The following OPCML variants were observed in gnomAD, a reference collection of about 807,000 sequenced individuals.
OPCML encodes opioid-binding protein/cell adhesion molecule.
A neutral mutation model predicts 37.8 loss-of-function variants in OPCML; 13 were observed. The ratio of observed to expected loss-of-function variants is 0.34; its 90% CI spans 0.22 to 0.55. The LOEUF (loss-of-function observed/expected upper bound fraction) is 0.55, where lower values mean the gene tolerates loss of function less well. Ranked by LOEUF, OPCML falls within the 20% of genes least tolerant of loss-of-function variation. The pLI is 0.91. For synonymous variants in OPCML, 176 were observed against 168.8 expected, an observed-to-expected ratio of 1.04 and a Z score of -0.33; for missense variants, 341 against 435.6, an observed-to-expected ratio of 0.78 and a Z score of 1.93.
intron 1 of OPCML, among the ~76,000 whole-genome samples, chr11:132,980,089 T>C (rs1485325420): frequency 6.6e-6 from 1 of 152,118 alleles, no homozygotes; most frequent in Non-Finnish European, 1.5e-5. Context: ...AAAATGTGAA[T>C]AAGAGATAAA....
intron 3 of OPCML, among the ~76,000 whole-genome samples, chr11:132,635,804 CG>C (rs1327138571): frequency 2.0e-5 from 3 of 152,140 alleles, no homozygotes; most frequent in African/African-American, 7.2e-5. Flanking sequence ...AGACAAAAGA[CG>C]TTTGCAAGGT....
intron 4 of OPCML, among the ~76,000 whole-genome samples, chr11:132,514,660 C>G (rs2096275913): frequency 6.6e-6 from 1 of 151,938 alleles, no homozygotes; most frequent in African/African-American, 2.4e-5. Context: ...TATTTTTTTG[C>G]CAAACTGCCT....
chr11:132,431,996 G>T (rs912142514), intron 7 of OPCML, among the ~76,000 whole-genome samples: 7 of 152,188 alleles, frequency 4.6e-5, no homozygotes, highest in African/African-American at 1.4e-4. Flanking sequence ...AAGACTAATT[G>T]CTGATATGAG....
intron 1 of OPCML, among the ~76,000 whole-genome samples, chr11:132,952,016 A>G (rs1391006686): frequency 6.6e-6 from 1 of 152,258 alleles, no homozygotes; most frequent in South Asian, 2.1e-4. Flanking sequence ...ACTGTTATTC[A>G]TAAATAAGGA....
chr11:133,190,685 T>G (rs566099756), intron 1 of OPCML, among the ~76,000 whole-genome samples: 14 of 152,216 alleles, frequency 9.2e-5, no homozygotes, highest in Non-Finnish European at 1.6e-4. Flanking sequence ...CTTTTCTCTC[T>G]AGAAACAAAT....
At chr11:132,813,331 AAC>A (rs1939451900) in intron 2 of OPCML, among the ~76,000 whole-genome samples, 1 of 152,204 alleles carries the variant, frequency 6.6e-6, no homozygotes, top group Admixed American at 6.5e-5. Context: ...TAGAAGTCTC[AAC>A]ATATTTTTCC....
At chr11:132,760,784 T>C (rs1946234379) in intron 2 of OPCML, among the ~76,000 whole-genome samples, 1 of 152,158 alleles carries the variant, frequency 6.6e-6, no homozygotes, top group Non-Finnish European at 1.5e-5. Flanking sequence ...AATTGGGGCA[T>C]TTATCCTGTT....
chr11:132,637,910 G>C (rs569140805), intron 3 of OPCML, among the ~76,000 whole-genome samples: 85 of 152,180 alleles, frequency 5.6e-4, no homozygotes, highest in Middle Eastern at 6.8e-3. Context: ...CTGCCTTTGG[G>C]AGACTTCTAA....
At chr11:133,185,058 G>A (rs937175969) in intron 1 of OPCML, among the ~76,000 whole-genome samples, 23 of 152,114 alleles carry the variant, frequency 1.5e-4, no homozygotes, top group Admixed American at 9.8e-4. Flanking sequence ...AGCCAACCCA[G>A]CTTTCAAACC....
intron 1 of OPCML, among the ~76,000 whole-genome samples, chr11:132,971,415 C>T (rs1272494022): frequency 6.6e-6 from 1 of 152,140 alleles, no homozygotes; most frequent in Non-Finnish European, 1.5e-5. Context: ...GGGACATGCG[C>T]GAGTCTTCAA....
intron 4 of OPCML, among the ~76,000 whole-genome samples, chr11:132,476,852 T>TTA: frequency 6.6e-6 from 1 of 151,058 alleles, no homozygotes; most frequent in Middle Eastern, 3.9e-3. Flanking sequence ...ATAAAAAAAT[T>TTA]AAAAAAAATT....
chr11:133,217,072 T>G (rs1386003724), intron 1 of OPCML, among the ~76,000 whole-genome samples: 4 of 151,720 alleles, frequency 2.6e-5, no homozygotes, highest in Non-Finnish European at 5.9e-5. Flanking sequence ...CCAAGTCAAC[T>G]GGCTACACAC....
chr11:132,929,025 T>C (rs985080054), intron 2 of OPCML, among the ~76,000 whole-genome samples: 1 of 151,036 alleles, frequency 6.6e-6, no homozygotes, highest in East Asian at 1.9e-4. Flanking sequence ...CTCAACAATC[T>C]AATTTTAAGC....
chr11:133,108,790 T>G (rs188256233), intron 1 of OPCML, among the ~76,000 whole-genome samples: 1 of 130,784 alleles, frequency 7.6e-6, no homozygotes, highest in Admixed American at 8.0e-5. Context: ...AGACAGCGCT[T>G]TGCAAACTAC....
intron 1 of OPCML, among the ~76,000 whole-genome samples, chr11:133,393,803 C>T (rs1945227259): frequency 6.6e-6 from 1 of 152,224 alleles, no homozygotes; most frequent in South Asian, 2.1e-4. Flanking sequence ...AAGATTTTCT[C>T]CTGTGCTGGA....
At chr11:133,291,965 C>A (rs1363985000) in intron 1 of OPCML, among the ~76,000 whole-genome samples, 13 of 152,236 alleles carry the variant, frequency 8.5e-5, no homozygotes. Context: ...TGGTAGATTA[C>A]ACAAGAGAAT....
chr11:132,716,720 T>G (rs1227449417), intron 2 of OPCML, among the ~76,000 whole-genome samples: 3 of 152,184 alleles, frequency 2.0e-5, no homozygotes, highest in Admixed American at 6.5e-5. Flanking sequence ...CACTCTGAAG[T>G]CTAATTCCAT....
At position 132,909,393 on chromosome 11, in the gene OPCML, T is replaced by C. The variant is rs529605987; in HGVS notation, c.146+33533A>G. ...GCGAACATTCTGAGAGACCATTTCATAGGCATTTCTCAGAAGAGAAACGTG... is the reference window on the plus strand; with the variant it reads ...GCGAACATTCTGAGAGACCATTTCACAGGCATTTCTCAGAAGAGAAACGTG... On this transcript the variant is annotated intron_variant, in intron 2 of 7. Transcript: ENST00000524381. Among the ~76,000 whole-genome samples, 17 of 152,338 alleles carry C rather than the reference T, an allele frequency of 1.1e-4. No homozygotes were observed. The South Asian group carries it at 3.5e-3, about 32-fold the overall frequency.
At chr11:133,414,344 C>T (rs1454915524) in intron 1 of OPCML, among the ~76,000 whole-genome samples, 1 of 152,038 alleles carries the variant, frequency 6.6e-6, no homozygotes, top group African/African-American at 2.4e-5. Context: ...AATTATGCCC[C>T]AGGTTGTCAA....
Sources: gnomAD v4.1 joint callset for allele counts (sites outside exome capture counted in the v4.1 genomes callset) on GRCh38, gnomAD v4.1.1 for gene constraint, MANE v1.5 for transcripts, NCBI Gene and HGNC (gene_info 2026-07-23, HGNC 2026-07-21) for gene names.